CADM2: variants seen among roughly 807,000 people sequenced by gnomAD.
CADM2 encodes the protein immunoglobulin superfamily member 4D.
CADM2 carries 12 observed loss-of-function variants against 49.8 expected under a neutral mutation model. The observed-to-expected ratio is 0.24, with a 90% confidence interval of 0.15 to 0.39. CADM2 has a LOEUF of 0.39. Ranked by LOEUF, CADM2 falls within the 10% of genes least tolerant of loss-of-function variation. CADM2 has a pLI of 1.00. For synonymous variants in CADM2, 214 were observed against 175.4 expected, an observed-to-expected ratio of 1.22 and a Z score of -1.74; for missense variants, 378 against 492.3, an observed-to-expected ratio of 0.77 and a Z score of 2.20.
At chr3:84,971,342 AGTT>A (rs2031417716) in intron 1 of CADM2, among the ~76,000 whole-genome samples, 1 of 152,206 alleles carries the variant, frequency 6.6e-6, no homozygotes, top group Admixed American at 6.5e-5. Context: ...ATGAAAAAGA[AGTT>A]GTATGTTCAA....
intron 1 of CADM2, among the ~76,000 whole-genome samples, chr3:85,571,772 T>C (rs951664870): frequency 2.6e-5 from 4 of 152,162 alleles, no homozygotes; most frequent in African/African-American, 9.7e-5. Flanking sequence ...TTTTCTGACA[T>C]TGATGGGCAA....
At chr3:85,918,740 G>A (rs889468499) in intron 6 of CADM2, among the ~76,000 whole-genome samples, 1 of 152,052 alleles carries the variant, frequency 6.6e-6, no homozygotes, top group Non-Finnish European at 1.5e-5. Flanking sequence ...CAGGGAAGAG[G>A]AAACTTCACA....
chr3:85,454,536 G>T (rs2037904354), intron 1 of CADM2, among the ~76,000 whole-genome samples: 1 of 152,060 alleles, frequency 6.6e-6, no homozygotes, highest in South Asian at 2.1e-4. Flanking sequence ...ATCTTTAAAA[G>T]AACTTAATCC....
intron 1 of CADM2, among the ~76,000 whole-genome samples, chr3:85,248,920 A>G (rs2042713271): frequency 6.6e-6 from 1 of 152,192 alleles, no homozygotes; most frequent in African/African-American, 2.4e-5. Context: ...TCTGATCTGG[A>G]TAAATGAACA....
At chr3:85,402,154 C>T (rs1235092036) in intron 1 of CADM2, among the ~76,000 whole-genome samples, 4 of 151,786 alleles carry the variant, frequency 2.6e-5, no homozygotes, top group Admixed American at 6.6e-5. Flanking sequence ...TAATGTTTTA[C>T]ATAGATTTAA....
chr3:85,711,970 G>A (rs973299316), intron 1 of CADM2, among the ~76,000 whole-genome samples: 14 of 152,152 alleles, frequency 9.2e-5, no homozygotes, highest in Admixed American at 2.0e-4. Flanking sequence ...GTAGTATGAT[G>A]TAATCGTCTC....
rs191576655 is a variant in CADM2 at position 85,613,067 on chromosome 3, A to G, written c.62-113455A>G. ...ATGACAAATTTCACAGTTTGAATAGAAAAAGAATATAAACACACACAGGAA... is the reference window on the plus strand; with the variant it reads ...ATGACAAATTTCACAGTTTGAATAGGAAAAGAATATAAACACACACAGGAA... On this transcript the variant is annotated intron_variant, in intron 1 of 9. Transcript: ENST00000383699. Among the ~76,000 whole-genome samples the G allele has an allele frequency of 5.3e-5, 8 of 151,804 alleles. No individual in the cohort carries two copies. In the East Asian group the frequency reaches 1.5e-3, roughly 29 times the overall value.
chr3:85,111,582 A>G (rs573250229), intron 1 of CADM2, among the ~76,000 whole-genome samples: 6 of 152,012 alleles, frequency 3.9e-5, no homozygotes, highest in Admixed American at 2.0e-4. Context: ...GAACTCACAG[A>G]CAGAGAGTGT....
At chr3:85,782,688 A>T (rs1395539094) in intron 2 of CADM2, among the ~76,000 whole-genome samples, 1 of 151,902 alleles carries the variant, frequency 6.6e-6, no homozygotes, top group Non-Finnish European at 1.5e-5. Flanking sequence ...AGAAAAAAGA[A>T]ATATACTCCA....
At chr3:85,414,884 T>C (rs1281772011) in intron 1 of CADM2, among the ~76,000 whole-genome samples, 1 of 152,180 alleles carries the variant, frequency 6.6e-6, no homozygotes, top group African/African-American at 2.4e-5. Flanking sequence ...ATCTAGTTTA[T>C]ATATGAGAGA....
intron 1 of CADM2, among the ~76,000 whole-genome samples, chr3:85,294,794 T>A (rs4053319): frequency 3.9e-4 from 60 of 152,084 alleles, no homozygotes; most frequent in South Asian, 1.2e-3. Context: ...TCAATTCAAG[T>A]TGGATTAAAG....
At chr3:85,135,831 A>G (rs903530754) in intron 1 of CADM2, among the ~76,000 whole-genome samples, 1 of 152,004 alleles carries the variant, frequency 6.6e-6, no homozygotes. Context: ...TCTATTAGAG[A>G]GCCGTAGTAT....
At chr3:85,579,981 C>T (rs1158946728) in intron 1 of CADM2, among the ~76,000 whole-genome samples, 1 of 152,136 alleles carries the variant, frequency 6.6e-6, no homozygotes. Context: ...ATTTCTTGTT[C>T]TATACATGCC....
intron 5 of CADM2, among the ~76,000 whole-genome samples, chr3:85,903,670 C>T (rs185894196): frequency 6.6e-6 from 1 of 152,190 alleles, no homozygotes; most frequent in Admixed American, 6.5e-5. Context: ...GAAACGCAGG[C>T]TTTGGCACGT....
intron 1 of CADM2, among the ~76,000 whole-genome samples, chr3:85,261,217 AC>A (rs1470893057): frequency 6.6e-6 from 1 of 151,998 alleles, no homozygotes; most frequent in Admixed American, 6.6e-5. Flanking sequence ...GCTCATTGCA[AC>A]CTCTGCCGCC....
chr3:85,263,205 T>C (rs2043051014), intron 1 of CADM2, among the ~76,000 whole-genome samples: 1 of 151,848 alleles, frequency 6.6e-6, no homozygotes. Context: ...TGTTGCCCAG[T>C]CTGATCTCCA....
chr3:85,239,263 G>C (rs866192014), intron 1 of CADM2, among the ~76,000 whole-genome samples: 11 of 151,850 alleles, frequency 7.2e-5, no homozygotes, highest in Middle Eastern at 6.8e-3. Flanking sequence ...CTTATATGCC[G>C]ATGTCTTTTG....
intron 1 of CADM2, among the ~76,000 whole-genome samples, chr3:85,312,827 T>C (rs1162509020): frequency 6.6e-6 from 1 of 152,176 alleles, no homozygotes; most frequent in Non-Finnish European, 1.5e-5. Context: ...CAGGACATTA[T>C]TAATAAATAT....
chr3:85,288,020 A>T (rs2043679214), intron 1 of CADM2, among the ~76,000 whole-genome samples: 1 of 152,012 alleles, frequency 6.6e-6, no homozygotes, highest in Admixed American at 6.6e-5. Flanking sequence ...TGGGTGCAGC[A>T]CACCAACATG....
Sources: allele counts gnomAD v4.1 joint callset (sites outside exome capture counted in the v4.1 genomes callset), GRCh38; gene constraint gnomAD v4.1.1; transcripts MANE v1.5; gene names NCBI Gene and HGNC (gene_info 2026-07-23, HGNC 2026-07-21).